Variants in FARS2 observed in about 807,000 individuals in gnomAD.
FARS2 encodes phenylalanyl-tRNA synthetase 2, mitochondrial, also known as phenylalanine--tRNA ligase, mitochondrial.
In FARS2, 40 loss-of-function variants were observed where a neutral mutation model predicts 46.4. That is an observed-to-expected ratio of 0.86 (90% CI 0.67 to 1.12). FARS2 has a LOEUF of 1.12. Ranked by LOEUF, FARS2 falls within the 50% of genes most tolerant of loss-of-function variation. FARS2 has a pLI of 0.00. For synonymous variants in FARS2, 234 were observed against 214.9 expected (o/e 1.09, Z -0.78); for missense variants, 513 against 567.9 (o/e 0.90, Z 0.98).
chr6:5,726,548 G>A (rs1760269503), intron 6 of FARS2, among the ~76,000 whole-genome samples: 1 of 152,176 alleles, frequency 6.6e-6, no homozygotes, highest in South Asian at 2.1e-4. Context: ...GGGCAGCGCA[G>A]GAGCACATGA....
rs575766746 is a variant in FARS2, at chr6:5,660,885, A to C, written c.1217+47565A>C. ...CAGACCACACTGGGCCTCTTTGACC[A>C]TGTAGGGATCTCTCACTTTACCAAG... On this transcript the variant is annotated intron_variant, in intron 6 of 6. Transcript: ENST00000274680. Among the ~76,000 whole-genome samples the C allele has an allele frequency of 2.0e-5, 3 of 152,340 alleles. No homozygotes were observed. The East Asian group carries it at 5.8e-4, about 29-fold the overall frequency.
chr6:5,456,121 A>G (rs781378592), intron 4 of FARS2, among the ~76,000 whole-genome samples: 4 of 152,250 alleles, frequency 2.6e-5, no homozygotes, highest in Middle Eastern at 3.4e-3. Context: ...GGGCTGAGGC[A>G]GGAGGATTGC....
intron 2 of FARS2, among the ~76,000 whole-genome samples, chr6:5,376,027 A>C (rs756607774): frequency 2.6e-5 from 4 of 152,140 alleles, no homozygotes; most frequent in Non-Finnish European, 5.9e-5. Flanking sequence ...AAGTTATGAG[A>C]CATTTCTACG....
intron 6 of FARS2, among the ~76,000 whole-genome samples, chr6:5,620,209 G>A (rs911033664): frequency 6.6e-6 from 1 of 151,950 alleles, no homozygotes; most frequent in Admixed American, 6.6e-5. Context: ...CACGCGCACA[G>A]ACACACACAT....
At chr6:5,444,387 A>T (rs1022686341) in intron 4 of FARS2, among the ~76,000 whole-genome samples, 1 of 147,818 alleles carries the variant, frequency 6.8e-6, no homozygotes, top group Admixed American at 6.9e-5. Context: ...GAATCGCTTG[A>T]ATCCGGGAGG....
At chr6:5,631,435 T>C (rs538795386) in intron 6 of FARS2, among the ~76,000 whole-genome samples, 21 of 152,220 alleles carry the variant, frequency 1.4e-4, no homozygotes, top group Admixed American at 2.0e-4. Flanking sequence ...ATATTCAAGA[T>C]TGAAAAATCC....
At chr6:5,623,945 A>G (rs186631202) in intron 6 of FARS2, among the ~76,000 whole-genome samples, 132 of 152,290 alleles carry the variant, frequency 8.7e-4, no homozygotes, top group African/African-American at 3.0e-3. Context: ...TGAAAAGCCA[A>G]TGACAGCTAA....
intron 4 of FARS2, among the ~76,000 whole-genome samples, chr6:5,494,392 G>C (rs1232570581): frequency 6.6e-6 from 1 of 152,136 alleles, no homozygotes. Context: ...CTGGAATCCG[G>C]GTCTGTACTG....
chr6:5,504,143 T>C (rs9378957), intron 4 of FARS2, among the ~76,000 whole-genome samples: 14,468 of 152,214 alleles, frequency 0.095, 885 homozygotes, highest in East Asian at 0.22. Flanking sequence ...AAATTTAATT[T>C]CAAAATTGTA....
At chr6:5,660,922 C>T (rs1453855010) in intron 6 of FARS2, among the ~76,000 whole-genome samples, 1 of 152,122 alleles carries the variant, frequency 6.6e-6, no homozygotes, top group East Asian at 1.9e-4. Flanking sequence ...GCAATAGAAG[C>T]CCCTGGAATG....
At chr6:5,353,663 T>C (rs982176894) in intron 1 of FARS2, among the ~76,000 whole-genome samples, 2 of 152,050 alleles carry the variant, frequency 1.3e-5, no homozygotes, top group Admixed American at 6.5e-5. Flanking sequence ...TTTTCATATA[T>C]CTGTTGGCCA....
intron 4 of FARS2, among the ~76,000 whole-genome samples, chr6:5,494,785 A>C (rs948175886): frequency 2.6e-5 from 4 of 152,154 alleles, no homozygotes; most frequent in African/African-American, 9.7e-5. Flanking sequence ...AAGAGGCTTT[A>C]TTATTTTCTT....
At chr6:5,439,162 TGAGTGGTTCA>T (rs1233179502) in intron 4 of FARS2, among the ~76,000 whole-genome samples, 1 of 152,198 alleles carries the variant, frequency 6.6e-6, no homozygotes, top group African/African-American at 2.4e-5. Flanking sequence ...GCAACTTGTG[TGAGTGGTTCA>T]GATCTCAGTT....
In FARS2 at chr6:5,431,151, GAAC is replaced by G; in HGVS notation, c.890_892del (p.Gln297del). On this transcript the variant is annotated inframe_deletion, in exon 4 of 7. Coordinates refer to ENST00000274680, the MANE Select transcript of FARS2 (RefSeq NM_006567.5). ...GGAAGTTCTTGGCTGCGGGGTGATG[GAAC>G]AACAACTGGTCAATTCAGGTAAAAA... The G allele has an allele frequency of 6.2e-7, 1 of 1,613,758 alleles. No homozygotes were observed. Among genetic ancestry groups the G allele is most frequent in the Non-Finnish European group, 8.5e-7 (1 of 1,179,804 alleles).
intron 4 of FARS2, chr6:5,467,118 T>C (rs1365551497): frequency 1.0e-6 from 1 of 981,216 alleles, no homozygotes; most frequent in East Asian, 1.1e-4. Context: ...AGCCCTCCAT[T>C]TTTAAGAATT....
chr6:5,640,650 G>A (rs542661400), intron 6 of FARS2, among the ~76,000 whole-genome samples: 16 of 152,192 alleles, frequency 1.1e-4, no homozygotes, highest in Admixed American at 3.3e-4. Context: ...TCTCGAAGCC[G>A]CCTGCTATGC....
In FARS2 at chr6:5,343,481, G is replaced by A. The variant is rs1757022299; in HGVS notation, c.-21-25069G>A. On this transcript the variant is annotated intron_variant, in intron 1 of 6. Transcript: ENST00000274680. The surrounding 1 kb of genome is among the most constrained non-coding windows in gnomAD (Gnocchi z 4.5). ...CCCGCCTCGGCCTCTGAAAGTGCTG[G>A]GATTACAGGCGTGAACCACCGCGCC... 6.6e-6 allele frequency among the ~76,000 whole-genome samples: 1 copy of A among 152,028 alleles called. No individual in the cohort carries two copies. Among genetic ancestry groups the A allele is most frequent in the Admixed American group, 6.6e-5 (1 of 15,250 alleles).
At chr6:5,584,108 G>GACACACACACACACACACACACAC (rs143867485) in intron 5 of FARS2, among the ~76,000 whole-genome samples, 2,206 of 122,824 alleles carry the variant, frequency 0.018, 133 homozygotes, top group East Asian at 0.066. Context: ...TTCTCTCTCT[G>GACACACACACACACACACACACAC]ACACACACAC....
At chr6:5,561,814 T>C (rs1347692551) in intron 5 of FARS2, among the ~76,000 whole-genome samples, 1 of 152,106 alleles carries the variant, frequency 6.6e-6, no homozygotes, top group African/African-American at 2.4e-5. Context: ...AGTTATCAGT[T>C]ATCTTAACTA....
Sources: gnomAD v4.1 joint callset for allele counts (sites outside exome capture counted in the v4.1 genomes callset) on GRCh38, gnomAD v4.1.1 for gene constraint, Gnocchi (gnomAD v3.1) non-coding constraint, MANE v1.5 for transcripts, NCBI Gene and HGNC (gene_info 2026-07-23, HGNC 2026-07-21) for gene names.